The following LCORL variants were observed in gnomAD, a reference collection of about 807,000 sequenced individuals.
LCORL encodes ligand dependent nuclear receptor corepressor like.
A neutral mutation model predicts 141.8 loss-of-function variants in LCORL; 41 were observed. The ratio of observed to expected loss-of-function variants is 0.29; its 90% confidence interval spans 0.23 to 0.38. The LOEUF (loss-of-function observed/expected upper bound fraction) is 0.38. LCORL is among the 10% of genes least tolerant of loss of function. The probability of loss-of-function intolerance (pLI) is 1.00; values close to 1 mark genes in which losing one functional copy is unlikely to be tolerated. For synonymous variants in LCORL, 618 were observed against 694.1 expected, an observed-to-expected ratio of 0.89 and a Z score of 1.72; for missense variants, 1,759 against 2,035.0, an observed-to-expected ratio of 0.86 and a Z score of 2.61.
rs1010191073 is a variant in LCORL, at chr4:17,998,870, T to TG, written c.154+22727dup. Among the ~76,000 whole-genome samples, 8 of 144,376 alleles carry TG rather than the reference T, an allele frequency of 5.5e-5. No homozygotes were observed. In the Admixed American group the frequency reaches 5.7e-4, roughly 10 times the overall value. The allele number at this position is 144,376 out of a possible 152,430, so 94.7% of individuals were successfully genotyped here. A position where few individuals can be genotyped will look rare whatever the true frequency, so the allele number is the denominator to read the frequency against. On this transcript the variant is annotated intron_variant, in intron 1 of 7. Coordinates refer to ENST00000635767, the Ensembl canonical transcript of LCORL. Reference sequence around the variant, plus strand: ...AACTTAGCTAATCAGGAGGCTGAAGTGGGAGATCACCTGAGACTGACAAGG... The same window carrying TG: ...AACTTAGCTAATCAGGAGGCTGAAGTGGGGAGATCACCTGAGACTGACAAGG...
At chr4:17,946,250 T>C (rs16896074) in intron 4 of LCORL, among the ~76,000 whole-genome samples, 37,102 of 151,838 alleles carry the variant, frequency 0.24, 5,906 homozygotes, top group African/African-American at 0.45. Context: ...TTTGAGTAGG[T>C]TCCTCCTTTA....
intron 4 of LCORL, among the ~76,000 whole-genome samples, chr4:17,910,807 T>C (rs1180264808): frequency 6.6e-6 from 1 of 152,212 alleles, no homozygotes; most frequent in African/African-American, 2.4e-5. Context: ...CTCAGACTTG[T>C]TGGAGATATT....
chr4:17,922,386 C>T (rs1345600841), intron 4 of LCORL, among the ~76,000 whole-genome samples: 2 of 152,146 alleles, frequency 1.3e-5, no homozygotes, highest in Non-Finnish European at 2.9e-5. Context: ...ATTTGATACT[C>T]CTGATTCACT....
At chr4:17,922,575 C>A (rs1251962273) in intron 4 of LCORL, among the ~76,000 whole-genome samples, 1 of 152,206 alleles carries the variant, frequency 6.6e-6, no homozygotes, top group Non-Finnish European at 1.5e-5. Context: ...GAGTCTCAAT[C>A]TTCTAAGATT....
At chr4:17,956,868 T>A (rs1014068156) in intron 4 of LCORL, among the ~76,000 whole-genome samples, 2 of 152,122 alleles carry the variant, frequency 1.3e-5, no homozygotes, top group Admixed American at 1.3e-4. Flanking sequence ...ACACATTGTA[T>A]ACATGTATCA....
intron 2 of LCORL, among the ~76,000 whole-genome samples, chr4:17,966,443 A>G (rs750286581): frequency 1.3e-5 from 2 of 152,158 alleles, no homozygotes; most frequent in Non-Finnish European, 2.9e-5. Context: ...ACAAACTACC[A>G]AATCTCACAC....
intron 4 of LCORL, among the ~76,000 whole-genome samples, chr4:17,961,281 TC>T (rs1232405377): frequency 6.6e-6 from 1 of 152,000 alleles, no homozygotes; most frequent in East Asian, 1.9e-4. Context: ...TTTCTCTAAT[TC>T]TCCCAAGTAA....
intron 1 of LCORL, among the ~76,000 whole-genome samples, chr4:18,016,810 T>C (rs1321607957): frequency 1.3e-5 from 2 of 152,162 alleles, no homozygotes; most frequent in African/African-American, 4.8e-5. Flanking sequence ...GTAGGAAAGA[T>C]ACTGAAGTTT....
intron 1 of LCORL, among the ~76,000 whole-genome samples, chr4:18,006,127 C>T (rs1284893804): frequency 6.6e-6 from 1 of 152,130 alleles, no homozygotes; most frequent in Admixed American, 6.5e-5. Flanking sequence ...TTTCTTCTGC[C>T]AGATACCCTA....
Position 17,991,180 on chromosome 4 carries a change from C to G in LCORL, c.155-18295G>C, listed in dbSNP as rs947576025. On this transcript the variant is annotated intron_variant, in intron 1 of 7. Transcript: ENST00000635767. Reference sequence around the variant, plus strand: ...TTACCTAGCATAACCTCTCTCATCACTAGTTAATCCTCCACTCTACTCTGG... The same window carrying G: ...TTACCTAGCATAACCTCTCTCATCAGTAGTTAATCCTCCACTCTACTCTGG... Among the ~76,000 whole-genome samples the G allele has an allele frequency of 6.6e-5, 10 of 152,180 alleles. 1 individual carries two copies. Among genetic ancestry groups the G allele is most frequent in the African/African-American group, 1.9e-4 (8 of 41,438 alleles).
rs1262936070 is a variant in LCORL, at chr4:18,021,482, C to T, written c.154+116G>A. On this transcript the variant is annotated intron_variant, in intron 1 of 7. Transcript: ENST00000635767. The surrounding 1 kb of genome is among the most constrained non-coding windows in gnomAD (Gnocchi z 5.5). ...CGCGCCGCGCCGCTCCCATCTCGCT[C>T]CCCCACCGAACTAACCCGAACGGGA... The T allele has an allele frequency of 1.5e-5, 13 of 866,114 alleles. No homozygotes were observed. Among genetic ancestry groups the T allele is most frequent in the Admixed American group, 1.2e-4 (3 of 25,096 alleles). The allele number at this position is 866,114 out of a possible 1,614,324, so 53.7% of individuals were successfully genotyped here.
chr4:17,847,849 ACT>A (rs1476464145), intron 7 of LCORL, among the ~76,000 whole-genome samples: 1 of 152,144 alleles, frequency 6.6e-6, no homozygotes, highest in Non-Finnish European at 1.5e-5. Flanking sequence ...TTTTTGAGAA[ACT>A]CTAAGGCAAG....
chr4:17,985,632 T>C (rs2109748116), intron 1 of LCORL, among the ~76,000 whole-genome samples: 1 of 152,264 alleles, frequency 6.6e-6, no homozygotes, highest in South Asian at 2.1e-4. Flanking sequence ...TCCTCCATCC[T>C]TTTATTTTCA....
intron 4 of LCORL, among the ~76,000 whole-genome samples, chr4:17,959,082 A>T (rs895297052): frequency 2.6e-5 from 4 of 152,080 alleles, no homozygotes; most frequent in Non-Finnish European, 4.4e-5. Flanking sequence ...GTATTTAAGT[A>T]ATACGCTTCT....
rs199792401 is a variant in LCORL at position 18,021,808 on chromosome 4, GGGCGCGAGCCCTC to G, written c.-70_-58del. Reference sequence around the variant, plus strand: ...TACGAGCAGCGCAGGCACGAGGCAGGGGCGCGAGCCCTCGGCGCGAGCCCCGGAGCGCGCGCCC... The same window carrying G: ...TACGAGCAGCGCAGGCACGAGGCAGGGGCGCGAGCCCCGGAGCGCGCGCCC... On this transcript the variant is annotated 5_prime_UTR_variant, in exon 1 of 8. Coordinates refer to ENST00000635767, the Ensembl canonical transcript of LCORL. The surrounding 1 kb of genome is among the most constrained non-coding windows in gnomAD (Gnocchi z 5.5). 0.035 allele frequency: 49,364 copies of G among 1,411,396 alleles called. 989 individuals carry two copies. Among genetic ancestry groups the G allele is most frequent in the South Asian group, 0.049 (3,200 of 64,650 alleles). 87.4% of individuals were successfully genotyped at this position (1,411,396 alleles called of 1,614,324 possible).
intron 2 of LCORL, among the ~76,000 whole-genome samples, chr4:17,972,496 A>C (rs894278493): frequency 2.0e-5 from 3 of 151,786 alleles, no homozygotes; most frequent in African/African-American, 7.2e-5. Flanking sequence ...TTAAGCAATT[A>C]CCTAACTCAA....
chr4:17,900,679 T>C (rs893397917), intron 5 of LCORL, among the ~76,000 whole-genome samples: 10 of 152,142 alleles, frequency 6.6e-5, no homozygotes, highest in African/African-American at 2.2e-4. Context: ...ATGATTAACA[T>C]AGCTTGAAAG....
chr4:17,852,701 T>A (rs1191563358), intron 7 of LCORL, among the ~76,000 whole-genome samples: 1 of 152,184 alleles, frequency 6.6e-6, no homozygotes, highest in East Asian at 1.9e-4. Flanking sequence ...GACCCCAAGA[T>A]AGAGTCCATC....
chr4:17,918,977 A>T (rs1733890287), intron 4 of LCORL, among the ~76,000 whole-genome samples: 3 of 152,174 alleles, frequency 2.0e-5, no homozygotes, highest in Non-Finnish European at 4.4e-5. Context: ...CATCACAAGT[A>T]AGGGACTAAA....
Sources: gnomAD v4.1 joint callset for allele counts (sites outside exome capture counted in the v4.1 genomes callset) on GRCh38, gnomAD v4.1.1 for gene constraint, Gnocchi (gnomAD v3.1) non-coding constraint, MANE v1.5 for transcripts, NCBI Gene and HGNC (gene_info 2026-07-23, HGNC 2026-07-21) for gene names.